WWP2: variants seen among roughly 807,000 people sequenced by gnomAD.
WWP2 encodes the protein WW domain containing E3 ubiquitin protein ligase 2.
WWP2 carries 57 observed loss-of-function variants against 121.0 expected under a neutral mutation model. The observed-to-expected ratio is 0.47, with a 90% confidence interval of 0.38 to 0.59. The LOEUF (loss-of-function observed/expected upper bound fraction) is 0.59, where lower values mean the gene tolerates loss of function less well. WWP2 is among the 20% of genes least tolerant of loss of function. WWP2 has a pLI of 0.00. For synonymous variants in WWP2, 449 were observed against 441.3 expected (o/e 1.02, Z -0.22); for missense variants, 962 against 1,158.9 (o/e 0.83, Z 2.47).
At chr16:69,931,464 C>T (rs369405724) in intron 14 of WWP2, 45 bp from the exon 15 acceptor site, 7 of 1,610,420 alleles carry the variant, frequency 4.3e-6, no homozygotes, top group African/African-American at 1.3e-5. Flanking sequence ...GAACAGATGA[C>T]CACTTGAGGC....
At chr16:69,809,594 C>T (rs990627472) in intron 4 of WWP2, among the ~76,000 whole-genome samples, 4 of 152,066 alleles carry the variant, frequency 2.6e-5, no homozygotes, top group Non-Finnish European at 5.9e-5. Context: ...TGGTGGAACC[C>T]TGTCTCTACT....
chr16:69,924,889 C>T (rs1366881011), intron 10 of WWP2: 18 of 981,858 alleles, frequency 1.8e-5, no homozygotes, highest in East Asian at 1.1e-4. Context: ...TTGGGGGGGA[C>T]GCCGAGGTGG....
At chr16:69,802,293 T>C (rs1385439899) in intron 4 of WWP2, among the ~76,000 whole-genome samples, 1 of 152,180 alleles carries the variant, frequency 6.6e-6, no homozygotes, top group East Asian at 1.9e-4. Flanking sequence ...AATTTTTAGG[T>C]GTATAGGTTA....
chr16:69,933,255 C>T, intron 16 of WWP2: 1 of 404,758 alleles, frequency 2.5e-6, no homozygotes, highest in South Asian at 1.8e-5. Context: ...CTTGGGACAT[C>T]CCCTTGCTGG....
intron 2 of WWP2, among the ~76,000 whole-genome samples, chr16:69,792,142 G>T (rs1405639661): frequency 3.3e-5 from 5 of 152,174 alleles, no homozygotes; most frequent in African/African-American, 1.2e-4. Flanking sequence ...GCGGTTTCCA[G>T]TTCCCTTGTG....
intron 2 of WWP2, among the ~76,000 whole-genome samples, chr16:69,795,110 C>G (rs1009135034): frequency 3.3e-5 from 5 of 152,160 alleles, no homozygotes; most frequent in African/African-American, 1.2e-4. Flanking sequence ...GTGTTGCGCA[C>G]TGGTAGTCCC....
In WWP2 at chr16:69,866,800, GTATTTATTTATTTATT is replaced by G. The variant is rs10525822; in HGVS notation, c.576-4966_576-4951del. On this transcript the variant is annotated intron_variant, in intron 6 of 23. Coordinates refer to ENST00000359154, the MANE Select transcript of WWP2 (RefSeq NM_001270454.2). ...CTCCTGAGGTCTTGCTTTCAGTTCC[GTATTTATTTATTTATT>G]TATTTATTTATTTATTTATTTATTT... is the stretch of plus-strand genomic sequence containing the variant. 4.4e-3 allele frequency among the ~76,000 whole-genome samples: 610 copies of G among 139,670 alleles called. 1 individual carries two copies. The highest frequency in any genetic ancestry group is 6.0e-3 in the Non-Finnish European group (385 of 64,514). 91.6% of individuals were successfully genotyped at this position (139,670 alleles called of 152,430 possible). A position where few individuals can be genotyped will look rare whatever the true frequency, so the allele number is the denominator to read the frequency against.
Position 69,925,754 on chromosome 16 carries a change from T to TG in WWP2, c.1234+276dup, listed in dbSNP as rs572835690. Among the ~76,000 whole-genome samples the TG allele has an allele frequency of 2.4e-3, 369 of 152,242 alleles. No individual in the cohort carries two copies. Among genetic ancestry groups the TG allele is most frequent in the South Asian group, 4.4e-3 (21 of 4,810 alleles). ...CTAAGAAAAGATGTCCCTGAGCAGC[T>TG]GGGGGGCTATTGGCTTTTGGTCTTG... On this transcript the variant is annotated intron_variant, in intron 11 of 23. Coordinates refer to ENST00000359154, the MANE Select transcript of WWP2 (RefSeq NM_001270454.2). This position sits in a 1 kb window ranked among gnomAD's most constrained non-coding sequence, Gnocchi z 4.0.
At chr16:69,852,088 G>GAAACTGCT (rs2057226394) in intron 6 of WWP2, among the ~76,000 whole-genome samples, 1 of 152,288 alleles carries the variant, frequency 6.6e-6, no homozygotes, top group Admixed American at 6.5e-5. Flanking sequence ...AGTTTTGTAA[G>GAAACTGCT]AAACTGCTAA....
intron 13 of WWP2, among the ~76,000 whole-genome samples, 167 bp from the exon 14 acceptor site, chr16:69,930,985 T>C (rs2058702062): frequency 6.6e-6 from 1 of 152,242 alleles, no homozygotes; most frequent in African/African-American, 2.4e-5. Context: ...GCTTTATTTC[T>C]AGATTTTCTT....
rs2056109308 is a variant in WWP2, at chr16:69,799,109, A to G, written c.219-65A>G. 2 of 1,555,898 alleles carry G rather than the reference A, an allele frequency of 1.3e-6. No individual in the cohort carries two copies. Among genetic ancestry groups the G allele is most frequent in the Non-Finnish European group, 1.7e-6 (2 of 1,152,308 alleles). ...CCAAGATGTCAGCAGTTTAGTTTAA[A>G]TGTTTTCTTCTAAGTTATAGGAATG... On this transcript the variant is annotated intron_variant, in intron 3 of 23. Transcript: ENST00000359154. This position sits in a 1 kb window ranked among gnomAD's most constrained non-coding sequence, Gnocchi z 4.5.
Position 69,923,109 on chromosome 16 carries a change from C to G in WWP2, c.1180-2321C>G, listed in dbSNP as rs555726550. On this transcript the variant is annotated intron_variant, in intron 10 of 23. Coordinates refer to ENST00000359154, the MANE Select transcript of WWP2 (RefSeq NM_001270454.2). ...TTCCCCATGTTGGCCAGGCTGGTCT[C>G]GAACTCCTGACCTCAAGTGATCCAT... Among the ~76,000 whole-genome samples, 28 of 152,036 alleles carry G rather than the reference C, an allele frequency of 1.8e-4. 1 individual carries two copies. Among genetic ancestry groups the G allele is most frequent in the African/African-American group, 6.8e-4 (28 of 41,396 alleles).
intron 7 of WWP2, among the ~76,000 whole-genome samples, chr16:69,884,484 C>A (rs2057888315): frequency 6.6e-6 from 1 of 152,000 alleles, no homozygotes; most frequent in Admixed American, 6.6e-5. Context: ...AAAAATTAGC[C>A]AGGCATGGTA....
intron 18 of WWP2, 64 bp downstream of exon 18, chr16:69,936,050 G>A: frequency 1.9e-6 from 3 of 1,586,034 alleles, no homozygotes; most frequent in Non-Finnish European, 2.6e-6. Context: ...TGGGAAGCAG[G>A]TACTGATGGC....
intron 8 of WWP2, among the ~76,000 whole-genome samples, chr16:69,901,302 G>A (rs2058199875): frequency 6.6e-6 from 1 of 152,196 alleles, no homozygotes; most frequent in African/African-American, 2.4e-5. Context: ...TTCTGAAGAG[G>A]CAGCTTTAAG....
intron 4 of WWP2, among the ~76,000 whole-genome samples, chr16:69,826,469 G>A (rs569458242): frequency 2.0e-5 from 3 of 151,744 alleles, no homozygotes; most frequent in African/African-American, 4.8e-5. Context: ...CTACTTGGGA[G>A]GCTGAGACAG....
chr16:69,918,071 G>A (rs1196203367), intron 10 of WWP2, among the ~76,000 whole-genome samples, 188 bp downstream of exon 10: 1 of 152,220 alleles, frequency 6.6e-6, no homozygotes, highest in African/African-American at 2.4e-5. Context: ...TCACTCAGCA[G>A]CTCCATATCT....
chr16:69,877,656 G>A (rs77641108), intron 7 of WWP2, among the ~76,000 whole-genome samples: 1 of 151,746 alleles, frequency 6.6e-6, no homozygotes, highest in Non-Finnish European at 1.5e-5. Flanking sequence ...ATAATATCTA[G>A]TATTTGATTT....
In WWP2 at chr16:69,871,945, C is replaced by T. The variant is rs768731278; in HGVS notation, c.703+14C>T. 1.9e-6 allele frequency: 3 copies of T among 1,609,958 alleles called. No homozygotes were observed. The highest frequency in any genetic ancestry group is 2.2e-5 in the East Asian group (1 of 44,790). ...CCAATGGCACAGGTGAGTGATGGCA[C>T]CGCACGCCAGCCTGCACTGAAGCTG... On this transcript the variant is annotated intron_variant, in intron 7 of 23. Coordinates refer to ENST00000359154, the MANE Select transcript of WWP2 (RefSeq NM_001270454.2).
Sources: gnomAD v4.1 joint callset for allele counts (sites outside exome capture counted in the v4.1 genomes callset) on GRCh38, gnomAD v4.1.1 for gene constraint, Gnocchi (gnomAD v3.1) non-coding constraint, MANE v1.5 for transcripts, NCBI Gene and HGNC (gene_info 2026-07-23, HGNC 2026-07-21) for gene names.